The following FMNL2 variants were observed in gnomAD, a reference collection of about 807,000 sequenced individuals.
FMNL2 encodes the protein formin-like protein 2.
FMNL2 carries 51 observed loss-of-function variants against 130.2 expected under a neutral mutation model. The observed-to-expected ratio is 0.39, with a 90% CI of 0.31 to 0.49. The LOEUF (loss-of-function observed/expected upper bound fraction) is 0.49. Ranked by LOEUF, FMNL2 falls within the 20% of genes least tolerant of loss-of-function variation. FMNL2 has a pLI of 0.85. For synonymous variants in FMNL2, 465 were observed against 467.1 expected, an observed-to-expected ratio of 1.00 and a Z score of 0.06; for missense variants, 977 against 1,316.2, an observed-to-expected ratio of 0.74 and a Z score of 3.99.
At chr2:152,551,507 A>G (rs1267877560) in intron 4 of FMNL2, among the ~76,000 whole-genome samples, 2 of 152,238 alleles carry the variant, frequency 1.3e-5, no homozygotes, top group Non-Finnish European at 2.9e-5. Flanking sequence ...CCACACAACC[A>G]GATTGTGACC....
At chr2:152,616,342 T>C (rs1240675582) in intron 12 of FMNL2, among the ~76,000 whole-genome samples, 18 of 146,842 alleles carry the variant, frequency 1.2e-4, no homozygotes, top group African/African-American at 4.3e-4. Context: ...TTTTTTTTTT[T>C]TTTTTGGAGA....
chr2:152,628,661 T>A (rs115896492), intron 18 of FMNL2, 128 bp downstream of exon 18: 7,656 of 756,244 alleles, frequency 0.01, 85 homozygotes, highest in South Asian at 0.023. Context: ...CTTTCTAAAT[T>A]GCATTTTTAT....
At chr2:152,611,016 G>T (rs75744452) in intron 10 of FMNL2, among the ~76,000 whole-genome samples, 1 of 152,152 alleles carries the variant, frequency 6.6e-6, no homozygotes, top group Non-Finnish European at 1.5e-5. Flanking sequence ...TGGTACCTCT[G>T]TGACTTTTGA....
At chr2:152,625,604 C>T in intron 16 of FMNL2, 42 bp downstream of exon 16, 5 of 1,568,134 alleles carry the variant, frequency 3.2e-6, no homozygotes, top group Non-Finnish European at 4.4e-6. Context: ...GCACTCTGTG[C>T]AGCAAAGCCG....
intron 2 of FMNL2, among the ~76,000 whole-genome samples, chr2:152,530,173 A>T (rs539299869): frequency 9.2e-5 from 14 of 152,356 alleles, no homozygotes; most frequent in African/African-American, 3.4e-4. Context: ...AAACTTGAGG[A>T]CACTGAGGTT....
At chr2:152,639,500 A>G (rs1204234581) in intron 23 of FMNL2, among the ~76,000 whole-genome samples, 1 of 152,204 alleles carries the variant, frequency 6.6e-6, no homozygotes, top group African/African-American at 2.4e-5. Flanking sequence ...AAGGCATGGG[A>G]GAGTCCAAGA....
At chr2:152,521,520 G>C (rs2105400714) in intron 1 of FMNL2, among the ~76,000 whole-genome samples, 1 of 151,980 alleles carries the variant, frequency 6.6e-6, no homozygotes, top group South Asian at 2.1e-4. Flanking sequence ...GTTTATCAAA[G>C]TGAGTATAAT....
chr2:152,343,071 CTGTAAT>C (rs1224476359), intron 1 of FMNL2, among the ~76,000 whole-genome samples: 1 of 152,108 alleles, frequency 6.6e-6, no homozygotes, highest in Non-Finnish European at 1.5e-5. Context: ...CTTGTTTAGC[CTGTAAT>C]TGACTTTGGT....
chr2:152,525,281 T>A (rs1693325170), intron 2 of FMNL2, among the ~76,000 whole-genome samples: 1 of 152,218 alleles, frequency 6.6e-6, no homozygotes, highest in African/African-American at 2.4e-5. Context: ...AACTTACAGG[T>A]TGTGGATTCA....
At position 152,639,997 on chromosome 2, in the gene FMNL2, C is replaced by A. The variant is rs1214781025; in HGVS notation, c.2986C>A (p.Gln996Lys). The A allele has an allele frequency of 2.6e-6, 4 of 1,559,158 alleles. No homozygotes were observed. Among genetic ancestry groups the A allele is most frequent in the Non-Finnish European group, 3.5e-6 (4 of 1,151,864 alleles). ...AAATGAGCTGAGGAAAAAGCAGGAA[C>A]AAGCTCTCATGGAAAAACTCCTAGA... The part of the protein sequence containing the change: ...EENELRKKQE[Q>K]ALMEKLLEQE... The change falls in exon 24 of 26, where the codon CAA (glutamine) becomes AAA (lysine). Residue 996 changes from glutamine (Q) to lysine (K), a missense_variant. Transcript: ENST00000288670.
intron 9 of FMNL2, among the ~76,000 whole-genome samples, chr2:152,607,015 T>G (rs546578338): frequency 5.2e-5 from 7 of 135,724 alleles, no homozygotes; most frequent in Non-Finnish European, 6.4e-5. Context: ...TGTTTTTTTT[T>G]TTTTTTTTTA....
At chr2:152,564,183 A>T (rs533636956) in intron 6 of FMNL2, among the ~76,000 whole-genome samples, 7 of 152,104 alleles carry the variant, frequency 4.6e-5, no homozygotes, top group Non-Finnish European at 1.0e-4. Flanking sequence ...AAAAAGAAAA[A>T]GTATATAAAT....
At chr2:152,560,686 A>G (rs1264640500) in intron 5 of FMNL2, among the ~76,000 whole-genome samples, 197 bp from the exon 6 acceptor site, 1 of 152,116 alleles carries the variant, frequency 6.6e-6, no homozygotes, top group Non-Finnish European at 1.5e-5. Context: ...CAGACCCATT[A>G]TTTGTCATTC....
intron 1 of FMNL2, among the ~76,000 whole-genome samples, chr2:152,445,507 T>C (rs1441546707): frequency 2.0e-5 from 3 of 152,236 alleles, no homozygotes; most frequent in Non-Finnish European, 2.9e-5. Context: ...ACTGGGGAAC[T>C]GAATTTTAAA....
intron 1 of FMNL2, among the ~76,000 whole-genome samples, chr2:152,472,045 TCTTTCAAATGCAAAATGA>T (rs1403948899): frequency 6.6e-6 from 1 of 152,230 alleles, no homozygotes; most frequent in Non-Finnish European, 1.5e-5. Context: ...TAAGGAGCTT[TCTTTCAAATGCAAAATGA>T]TGGCATAACA....
intron 9 of FMNL2, 31 bp downstream of exon 9, chr2:152,581,080 C>G: frequency 6.4e-7 from 1 of 1,566,000 alleles, no homozygotes. Flanking sequence ...CATAAGAATA[C>G]TCACACATCT....
chr2:152,383,922 A>G (rs1174835443), intron 1 of FMNL2, among the ~76,000 whole-genome samples: 1 of 152,194 alleles, frequency 6.6e-6, no homozygotes, highest in Non-Finnish European at 1.5e-5. Context: ...ATATTTTTCT[A>G]CATCTGGGGA....
intron 1 of FMNL2, among the ~76,000 whole-genome samples, chr2:152,439,998 C>T (rs1241415101): frequency 6.6e-6 from 1 of 151,744 alleles, no homozygotes; most frequent in Non-Finnish European, 1.5e-5. Context: ...TGTGTACTGC[C>T]AAGTGACCTC....
chr2:152,380,261 A>T (rs1012918753), intron 1 of FMNL2, among the ~76,000 whole-genome samples: 12 of 152,138 alleles, frequency 7.9e-5, no homozygotes, highest in African/African-American at 2.9e-4. Context: ...ATTTTTTACA[A>T]ATGTGTTTGA....
Sources: allele counts gnomAD v4.1 joint callset (sites outside exome capture counted in the v4.1 genomes callset), GRCh38; gene constraint gnomAD v4.1.1; transcripts MANE v1.5; gene names NCBI Gene and HGNC (gene_info 2026-07-23, HGNC 2026-07-21).